CCDC38: variants seen among roughly 807,000 people sequenced by gnomAD.
The protein encoded by CCDC38 is coiled-coil domain containing 38.
A neutral mutation model predicts 72.8 loss-of-function variants in CCDC38; 69 were observed. The ratio of observed to expected loss-of-function variants is 0.95; its 90% CI spans 0.78 to 1.16. The LOEUF is 1.16. CCDC38 is among the 50% of genes most tolerant of loss of function. The pLI is 0.00. For synonymous variants in CCDC38, 201 were observed against 213.2 expected (o/e 0.94, Z 0.50); for missense variants, 626 against 638.9 (o/e 0.98, Z 0.22).
In CCDC38 at chr12:95,918,916, A is replaced by G; in HGVS notation, c.98T>C (p.Leu33Pro). 1 of 1,612,764 alleles carries G rather than the reference A, an allele frequency of 6.2e-7. No individual in the cohort carries two copies. Among genetic ancestry groups the G allele is most frequent in the Non-Finnish European group, 8.5e-7 (1 of 1,178,786 alleles). The change falls in exon 3 of 16, where the codon CTC (leucine) becomes CCC (proline). Residue 33 changes from leucine (L) to proline (P), a missense_variant. Leu to Pro is a moderately conservative substitution (Grantham distance 98). Coordinates refer to ENST00000344280, the MANE Select transcript of CCDC38 (RefSeq NM_182496.3). ...DRPYKIFFRD[L>P]FLVKENEMAA... ...CATTTCATTTTCTTTGACAAGAAAG[A>G]GATCTCTGAAAAAGATCTTATAAGG...
At chr12:95,899,524 C>T (rs1206919394) in intron 5 of CCDC38, among the ~76,000 whole-genome samples, 1 of 152,180 alleles carries the variant, frequency 6.6e-6, no homozygotes, top group Non-Finnish European at 1.5e-5. Context: ...GTCTCAAACT[C>T]CTGAGCTCAA....
chr12:95,888,295 A>G (rs1035766633), intron 10 of CCDC38, among the ~76,000 whole-genome samples, 163 bp downstream of exon 10: 1 of 152,200 alleles, frequency 6.6e-6, no homozygotes, highest in African/African-American at 2.4e-5. Context: ...GATTGGAGAG[A>G]GGCCTGTGAG....
intron 4 of CCDC38, among the ~76,000 whole-genome samples, chr12:95,912,981 C>A (rs61548261): frequency 1.3e-5 from 2 of 152,014 alleles, no homozygotes; most frequent in South Asian, 2.1e-4. Context: ...TGGGAGGATC[C>A]CTTGAGCCAG....
At chr12:95,918,209 C>T (rs1219360835) in intron 3 of CCDC38, among the ~76,000 whole-genome samples, 1 of 152,208 alleles carries the variant, frequency 6.6e-6, no homozygotes, top group Admixed American at 6.5e-5. Context: ...GTGAGATTAA[C>T]TCTGCAAGGC....
At chr12:95,933,037 C>T (rs899183256) in intron 2 of CCDC38, 1 of 152,114 alleles carries the variant, frequency 6.6e-6, no homozygotes, top group Non-Finnish European at 1.5e-5. Context: ...ACACTCCATA[C>T]AAACATTAAC....
At chr12:95,891,718 C>T (rs916615915) in intron 8 of CCDC38, among the ~76,000 whole-genome samples, 1 of 151,954 alleles carries the variant, frequency 6.6e-6, no homozygotes, top group Non-Finnish European at 1.5e-5. Flanking sequence ...TGTTTTCCCT[C>T]TTGTGCAACA....
At chr12:95,914,385 A>C (rs1460983588) in intron 4 of CCDC38, among the ~76,000 whole-genome samples, 1 of 152,242 alleles carries the variant, frequency 6.6e-6, no homozygotes, top group East Asian at 1.9e-4. Context: ...CATTCATAAA[A>C]GTAAAGAGCC....
intron 3 of CCDC38, 133 bp downstream of exon 3, chr12:95,918,743 C>T: frequency 1.6e-6 from 1 of 621,824 alleles, no homozygotes; most frequent in Non-Finnish European, 2.9e-6. Flanking sequence ...ACTGTCTCCC[C>T]ATCATGGTGT....
At chr12:95,916,065 T>C (rs2080140380) in intron 4 of CCDC38, among the ~76,000 whole-genome samples, 1 of 152,200 alleles carries the variant, frequency 6.6e-6, no homozygotes, top group South Asian at 2.1e-4. Context: ...TTGTAAATGC[T>C]CTTGATGACC....
intron 4 of CCDC38, among the ~76,000 whole-genome samples, chr12:95,908,689 T>C (rs951708677): frequency 2.2e-5 from 3 of 137,696 alleles, no homozygotes; most frequent in Admixed American, 7.6e-5. Flanking sequence ...GAGGGGGCTG[T>C]CAAAATTCTT....
chr12:95,894,431 G>A (rs567755255), intron 8 of CCDC38, among the ~76,000 whole-genome samples: 1 of 152,254 alleles, frequency 6.6e-6, no homozygotes, highest in African/African-American at 2.4e-5. Context: ...CAAATCTCAT[G>A]TTGGAATTTG....
intron 2 of CCDC38, among the ~76,000 whole-genome samples, chr12:95,920,088 T>C (rs1378264933): frequency 2.0e-5 from 3 of 152,220 alleles, no homozygotes; most frequent in Non-Finnish European, 4.4e-5. Context: ...ACAACCTAGA[T>C]ATCTGATATG....
At chr12:95,896,854 A>T (rs907367612) in intron 7 of CCDC38, among the ~76,000 whole-genome samples, 1 of 152,210 alleles carries the variant, frequency 6.6e-6, no homozygotes, top group Non-Finnish European at 1.5e-5. Flanking sequence ...CGATCAAGTT[A>T]TCTTCAGCAA....
chr12:95,933,195 C>T (rs769982075), intron 2 of CCDC38: 1 of 151,940 alleles, frequency 6.6e-6, no homozygotes, highest in African/African-American at 2.4e-5. Flanking sequence ...TTGATAAATT[C>T]AGCTATATTA....
chr12:95,929,034 A>C (rs1318001346), intron 2 of CCDC38, among the ~76,000 whole-genome samples: 1 of 152,178 alleles, frequency 6.6e-6, no homozygotes, highest in Non-Finnish European at 1.5e-5. Context: ...CTACAGAGGC[A>C]GGCAGGCCTC....
At chr12:95,902,166 A>C (rs2079957033) in intron 5 of CCDC38, among the ~76,000 whole-genome samples, 1 of 152,192 alleles carries the variant, frequency 6.6e-6, no homozygotes, top group African/African-American at 2.4e-5. Flanking sequence ...TAATTAGAAA[A>C]GATCAGTAAT....
intron 8 of CCDC38, 63 bp downstream of exon 8, chr12:95,894,926 T>C: frequency 4.6e-6 from 6 of 1,294,918 alleles, no homozygotes; most frequent in Non-Finnish European, 6.4e-6. Flanking sequence ...TAAAAAACAT[T>C]GAAGCAGATG....
Position 95,879,740 on chromosome 12 carries a change from A to C in CCDC38, c.1046T>G (p.Leu349Arg). The C allele has an allele frequency of 6.2e-7, 1 of 1,612,530 alleles. No individual in the cohort carries two copies. The highest frequency in any genetic ancestry group is 1.1e-5 in the South Asian group (1 of 90,940). Residue 349 changes from leucine (L) to arginine (R), a missense_variant, in exon 12 of 16, where the codon CTG (leucine) becomes CGG (arginine). Physicochemically the swap from Leu to Arg is moderately radical, Grantham distance 102 (BLOSUM62 -2). Transcript: ENST00000344280. This position sits in a 1 kb window ranked among gnomAD's most constrained non-coding sequence, Gnocchi z 5.5. ...AAACAAAGTAAGATTCTGCTCTTCCAGCTCTCTGAGGACTTGAAGTAACTC... is the reference window on the plus strand; with the variant it reads ...AAACAAAGTAAGATTCTGCTCTTCCCGCTCTCTGAGGACTTGAAGTAACTC... ...PEELLQVLRELEEQNLTLFQY... is the reference protein window; with the variant it reads ...PEELLQVLREREEQNLTLFQY...
At chr12:95,892,707 T>C (rs981764700) in intron 8 of CCDC38, among the ~76,000 whole-genome samples, 19 of 151,808 alleles carry the variant, frequency 1.3e-4, no homozygotes, top group Admixed American at 4.6e-4. Context: ...GTAGTTGGGA[T>C]TACAGGCATG....
Sources: gnomAD v4.1 joint callset for allele counts (sites outside exome capture counted in the v4.1 genomes callset) on GRCh38, gnomAD v4.1.1 for gene constraint, Gnocchi (gnomAD v3.1) non-coding constraint, MANE v1.5 for transcripts, NCBI Gene and HGNC (gene_info 2026-07-23, HGNC 2026-07-21) for gene names.